ATOSA: variants seen among roughly 807,000 people sequenced by gnomAD.
ATOSA encodes the protein atos homolog A, also known as atos homolog protein A.
chr15:52,592,690 CATA>C, the ATOSA span, among the ~76,000 whole-genome samples: 1 of 152,186 alleles, frequency 6.6e-6, no homozygotes, highest in Non-Finnish European at 1.5e-5. Context: ...AAAAAAATCT[CATA>C]ATGTTTTAAG....
At chr15:52,588,433 A>T in the ATOSA span, among the ~76,000 whole-genome samples, 2 of 151,746 alleles carry the variant, frequency 1.3e-5, no homozygotes, top group Non-Finnish European at 2.9e-5. Context: ...TGTGATACTT[A>T]ATTATTATTA....
chr15:52,662,588 G>T, the ATOSA span, among the ~76,000 whole-genome samples: 1 of 151,998 alleles, frequency 6.6e-6, no homozygotes, highest in African/African-American at 2.4e-5. Context: ...GGCTAACACA[G>T]TGAAACCCCG....
chr15:52,667,593 T>C, the ATOSA span, among the ~76,000 whole-genome samples: 4 of 152,196 alleles, frequency 2.6e-5, no homozygotes, highest in Admixed American at 1.3e-4. Flanking sequence ...AAGGCCTTGG[T>C]TTGTAGCACT....
the ATOSA span, chr15:52,709,600 G>C: frequency 6.6e-6 from 1 of 152,374 alleles, no homozygotes; most frequent in East Asian, 1.9e-4. Flanking sequence ...ACTCCAGATC[G>C]CTCTCCCACC....
chr15:52,683,784 A>T, the ATOSA span, among the ~76,000 whole-genome samples: 1 of 152,216 alleles, frequency 6.6e-6, no homozygotes, highest in Non-Finnish European at 1.5e-5. Flanking sequence ...GTTCTTACCC[A>T]CTATCTGTTA....
At chr15:52,675,619 T>C in the ATOSA span, among the ~76,000 whole-genome samples, 3 of 152,176 alleles carry the variant, frequency 2.0e-5, no homozygotes, top group Non-Finnish European at 4.4e-5. Context: ...ATAGAAAACT[T>C]AGTGTTAGGC....
the ATOSA span, among the ~76,000 whole-genome samples, chr15:52,583,424 TGA>T: frequency 7.3e-6 from 1 of 137,126 alleles, no homozygotes; most frequent in Non-Finnish European, 1.6e-5. Flanking sequence ...TTCATTCATG[TGA>T]GAGTCTTGCT....
the ATOSA span, among the ~76,000 whole-genome samples, chr15:52,673,947 C>A: frequency 1.8e-4 from 27 of 152,070 alleles, no homozygotes; most frequent in African/African-American, 5.3e-4. Flanking sequence ...TCTATTTTAA[C>A]CTCAAAAACA....
chr15:52,590,030 C>A, the ATOSA span, among the ~76,000 whole-genome samples: 41 of 152,144 alleles, frequency 2.7e-4, no homozygotes, highest in Non-Finnish European at 2.8e-4. Context: ...TCAAGTTATC[C>A]GCCTGCCCCA....
the ATOSA span, among the ~76,000 whole-genome samples, chr15:52,664,122 C>T: frequency 6.6e-6 from 1 of 152,178 alleles, no homozygotes; most frequent in Non-Finnish European, 1.5e-5. Context: ...GGCCACTCTG[C>T]CTTGTGCTCA....
chr15:52,613,958 A>G, the ATOSA span: 1 of 917,848 alleles, frequency 1.1e-6, no homozygotes, highest in East Asian at 2.6e-5. Context: ...CACATTATTC[A>G]TTTAACATAG....
At chr15:52,601,556 T>G in the ATOSA span, among the ~76,000 whole-genome samples, 1 of 147,594 alleles carries the variant, frequency 6.8e-6, no homozygotes, top group Non-Finnish European at 1.5e-5. Context: ...GAAAACCGAA[T>G]AGAGATAGGA....
the ATOSA span, among the ~76,000 whole-genome samples, chr15:52,593,249 T>C: frequency 1.3e-5 from 2 of 152,126 alleles, no homozygotes; most frequent in African/African-American, 2.4e-5. Context: ...ACCAAAGCCT[T>C]GTAGGACTAG....
chr15:52,589,971 A>C, the ATOSA span, among the ~76,000 whole-genome samples: 1 of 152,018 alleles, frequency 6.6e-6, no homozygotes, highest in South Asian at 2.1e-4. Flanking sequence ...TGCTTTTAGT[A>C]GAGACGGGGT....
the ATOSA span, among the ~76,000 whole-genome samples, chr15:52,686,070 T>TTTAA: frequency 9.6e-4 from 146 of 152,312 alleles, no homozygotes; most frequent in Non-Finnish European, 1.7e-3. Context: ...CTCTTCATAC[T>TTTAA]TATTAGAGGG....
At chr15:52,682,921 A>C in the ATOSA span, among the ~76,000 whole-genome samples, 1 of 152,214 alleles carries the variant, frequency 6.6e-6, no homozygotes, top group Non-Finnish European at 1.5e-5. Context: ...ACAACCTTCT[A>C]CCTTCACATA....
the ATOSA span, among the ~76,000 whole-genome samples, chr15:52,634,604 CTTT>C: frequency 2.2e-4 from 24 of 109,648 alleles, no homozygotes; most frequent in Non-Finnish European, 2.3e-4. Context: ...TTTTTCTTTT[CTTT>C]TTTTTTTTTT....
chr15:52,672,169 T>C, the ATOSA span, among the ~76,000 whole-genome samples: 1 of 11,978 alleles, frequency 8.3e-5, no homozygotes, highest in Non-Finnish European at 5.3e-4. Flanking sequence ...AGACCCCATT[T>C]CTCAAAAAAA....
chr15:52,637,778 C>G, the ATOSA span, among the ~76,000 whole-genome samples: 1 of 152,188 alleles, frequency 6.6e-6, no homozygotes, highest in South Asian at 2.1e-4. Flanking sequence ...TGAAGCCTCC[C>G]TTACTCTCTC....
Sources: gnomAD v4.1 joint callset for allele counts (sites outside exome capture counted in the v4.1 genomes callset) on GRCh38, gnomAD v4.1.1 for gene constraint, MANE v1.5 for transcripts, NCBI Gene and HGNC (gene_info 2026-07-23, HGNC 2026-07-21) for gene names.